The following DNAAF5 variants were observed in gnomAD, a reference collection of about 807,000 sequenced individuals.
The protein encoded by DNAAF5 is dynein axonemal assembly factor 5.
DNAAF5 carries 64 observed loss-of-function variants against 75.8 expected under a neutral mutation model. That is an observed-to-expected ratio of 0.84 (90% CI 0.69 to 1.04). DNAAF5 has a LOEUF of 1.04. Ranked by LOEUF, DNAAF5 falls within the 50% of genes least tolerant of loss-of-function variation. DNAAF5 has a pLI of 0.00. For synonymous variants in DNAAF5, 657 were observed against 557.2 expected (o/e 1.18, Z -2.52); for missense variants, 1,269 against 1,178.5 (o/e 1.08, Z -1.12).
intron 8 of DNAAF5, among the ~76,000 whole-genome samples, chr7:765,541 TC>T (rs1258261325): frequency 6.6e-6 from 1 of 152,172 alleles, no homozygotes; most frequent in South Asian, 2.1e-4. Flanking sequence ...CACCATCTGT[TC>T]TTCCTCTTTG....
intron 6 of DNAAF5, among the ~76,000 whole-genome samples, chr7:758,083 G>T (rs779245825): frequency 6.6e-6 from 1 of 152,258 alleles, no homozygotes; most frequent in African/African-American, 2.4e-5. Flanking sequence ...GGCCCGGGCC[G>T]CGTGCTCATG....
intron 7 of DNAAF5, among the ~76,000 whole-genome samples, chr7:762,229 T>C (rs2128080553): frequency 6.6e-6 from 1 of 152,326 alleles, no homozygotes; most frequent in South Asian, 2.1e-4. Context: ...CTCACGCCTG[T>C]AATCCCAGCA....
chr7:734,504 G>A (rs952700491), intron 2 of DNAAF5, among the ~76,000 whole-genome samples: 9 of 152,148 alleles, frequency 5.9e-5, no homozygotes, highest in African/African-American at 1.2e-4. Flanking sequence ...GAAACTTTGC[G>A]TCAGTGTTCA....
At chr7:760,919 A>G (rs566028218) in intron 6 of DNAAF5, among the ~76,000 whole-genome samples, 137 of 152,378 alleles carry the variant, frequency 9.0e-4, no homozygotes, top group Non-Finnish European at 1.6e-3. Context: ...TCAAAAATGC[A>G]CAGAAGAGGG....
intron 2 of DNAAF5, among the ~76,000 whole-genome samples, chr7:732,123 G>A (rs760322043): frequency 3.3e-5 from 5 of 152,246 alleles, no homozygotes; most frequent in Non-Finnish European, 5.9e-5. Context: ...AGGTAGCACA[G>A]CCAGGTGAGC....
chr7:752,165 AT>A (rs756008684), intron 4 of DNAAF5, among the ~76,000 whole-genome samples: 7 of 152,262 alleles, frequency 4.6e-5, no homozygotes, highest in Non-Finnish European at 8.8e-5. Context: ...ATTTAATGGC[AT>A]CTTTTAATAA....
At chr7:738,653 G>A (rs1781808238) in intron 2 of DNAAF5, among the ~76,000 whole-genome samples, 1 of 152,032 alleles carries the variant, frequency 6.6e-6, no homozygotes, top group South Asian at 2.1e-4. Context: ...TGCTGTTTTT[G>A]AACTAAAAGA....
At chr7:769,428 G>A (rs1778478374) in intron 8 of DNAAF5, among the ~76,000 whole-genome samples, 1 of 152,164 alleles carries the variant, frequency 6.6e-6, no homozygotes, top group Non-Finnish European at 1.5e-5. Flanking sequence ...ACTGCAGTGG[G>A]GACCCCTTGG....
Position 780,058 on chromosome 7 carries a change from A to G in DNAAF5, c.2345A>G (p.Tyr782Cys), listed in dbSNP as rs61755909. 1.1e-3 allele frequency: 1,709 copies of G among 1,614,180 alleles called. 2 individuals are homozygous for G. The highest frequency in any genetic ancestry group is 9.9e-4 in the Non-Finnish European group (1,170 of 1,180,018). ...QCVKGANAKS[Y>C]YQSSVQYLYR... ...GTCAAGGGTGCCAACGCAAAATCCTACTATCAGAGCAGTGTCCAGTACCTG... is the reference window on the plus strand; with the variant it reads ...GTCAAGGGTGCCAACGCAAAATCCTGCTATCAGAGCAGTGTCCAGTACCTG... Residue 782 changes from tyrosine to cysteine, a missense_variant, in exon 12 of 13, where the codon TAC becomes TGC. Coordinates refer to ENST00000297440, the MANE Select transcript of DNAAF5 (RefSeq NM_017802.4).
In DNAAF5 at chr7:754,653, C is replaced by T; in HGVS notation, c.1089C>T (p.Ala363=). The T allele has an allele frequency of 6.2e-7, 1 of 1,614,172 alleles. No homozygotes were observed. The highest frequency in any genetic ancestry group is 8.5e-7 in the Non-Finnish European group (1 of 1,180,040). ...VFRNLSKILP[A]LCHDITDWVV... Reference sequence around the variant, plus strand: ...GGAACCTCTCCAAGATCCTCCCTGCCCTGTGCCACGACATCACCGACTGGG... The same window carrying T: ...GGAACCTCTCCAAGATCCTCCCTGCTCTGTGCCACGACATCACCGACTGGG... Residue 363 remains alanine, a synonymous_variant, in exon 5 of 13, where the codon GCC becomes GCT. Coordinates refer to ENST00000297440, the MANE Select transcript of DNAAF5 (RefSeq NM_017802.4). The surrounding 1 kb of genome is among the most constrained non-coding windows in gnomAD (Gnocchi z 4.8).
At chr7:781,603 A>G (rs996851560) in intron 12 of DNAAF5, among the ~76,000 whole-genome samples, 3 of 152,170 alleles carry the variant, frequency 2.0e-5, no homozygotes, top group Non-Finnish European at 2.9e-5. Context: ...CTGTTCTCCC[A>G]GCGGTGCTCA....
intron 2 of DNAAF5, among the ~76,000 whole-genome samples, chr7:737,157 G>A (rs569244474): frequency 1.1e-4 from 17 of 151,908 alleles, no homozygotes; most frequent in Admixed American, 6.6e-4. Context: ...GTGCAATGGC[G>A]CCATCTCAGC....
At chr7:770,859 G>A in intron 9 of DNAAF5, 1 of 472,604 alleles carries the variant, frequency 2.1e-6, no homozygotes, top group Non-Finnish European at 3.8e-6. Context: ...CTCCCCCACA[G>A]CACTCTGGGT....
chr7:756,475 G>GGTTGGGTCACT (rs1782488076), intron 5 of DNAAF5, among the ~76,000 whole-genome samples: 1 of 152,222 alleles, frequency 6.6e-6, no homozygotes, highest in South Asian at 2.1e-4. Flanking sequence ...GTGATGGGAA[G>GGTTGGGTCACT]GTTGGGTCAC....
intron 5 of DNAAF5, among the ~76,000 whole-genome samples, chr7:756,567 G>T (rs1055997764): frequency 6.6e-6 from 1 of 152,184 alleles, no homozygotes. Flanking sequence ...CCTGGGAGGC[G>T]TGTCCGGCTC....
chr7:766,313 C>T (rs1782820404), intron 8 of DNAAF5, among the ~76,000 whole-genome samples: 1 of 152,096 alleles, frequency 6.6e-6, no homozygotes, highest in Non-Finnish European at 1.5e-5. Flanking sequence ...TCTAAGCTTT[C>T]TCTAATGAGC....
intron 2 of DNAAF5, among the ~76,000 whole-genome samples, chr7:740,519 C>A (rs1349040297): frequency 6.6e-6 from 1 of 152,210 alleles, no homozygotes; most frequent in African/African-American, 2.4e-5. Flanking sequence ...CTCTCGCCAA[C>A]AGGACCAGGC....
In DNAAF5 at chr7:727,061, T is replaced by C; in HGVS notation, c.341T>C (p.Leu114Pro). The C allele has an allele frequency of 2.8e-6, 3 of 1,063,598 alleles. No individual in the cohort carries two copies. The highest frequency in any genetic ancestry group is 3.4e-6 in the Non-Finnish European group (3 of 882,948). The allele number at this position is 1,063,598 out of a possible 1,614,324, so 65.9% of individuals were successfully genotyped here. ...CGCGCCGCGCGGCCCCGCGATGCCC[T>C]GCCGCGCCTGCTGCCCGCGCTCGCC... ...LRRAARPRDA[L>P]PRLLPALAAR... is the part of the protein sequence containing the mutation. Residue 114 changes from leucine to proline, a missense_variant, in exon 1 of 13, where the codon CTG becomes CCG. Coordinates refer to ENST00000297440, the MANE Select transcript of DNAAF5 (RefSeq NM_017802.4).
Position 774,267 on chromosome 7 carries a change from A to G in DNAAF5, c.2082+69A>G. On this transcript the variant is annotated intron_variant, in intron 10 of 12. Transcript: ENST00000297440. ...GCGCAGGCTTCCTGGCGCCCGGCAGAGCTCCCGCAGCAGGAACTTGGGCAG... is the reference window on the plus strand; with the variant it reads ...GCGCAGGCTTCCTGGCGCCCGGCAGGGCTCCCGCAGCAGGAACTTGGGCAG... 4 of 1,460,344 alleles carry G rather than the reference A, an allele frequency of 2.7e-6. No individual in the cohort carries two copies. In the South Asian group the frequency reaches 5.3e-5, roughly 19 times the overall value. 90.5% of individuals were successfully genotyped at this position (1,460,344 alleles called of 1,614,324 possible).
Sources: allele counts gnomAD v4.1 joint callset (sites outside exome capture counted in the v4.1 genomes callset), GRCh38; gene constraint gnomAD v4.1.1; non-coding constraint Gnocchi (gnomAD v3.1); transcripts MANE v1.5; gene names NCBI Gene and HGNC (gene_info 2026-07-23, HGNC 2026-07-21).